Variants in AK3 observed in about 807,000 individuals in gnomAD.
AK3 encodes the protein GTP:AMP phosphotransferase AK3, mitochondrial.
A neutral mutation model predicts 23.7 loss-of-function variants in AK3; 27 were observed. That is an observed-to-expected ratio of 1.14 (90% CI 0.84 to 1.57). The LOEUF (loss-of-function observed/expected upper bound fraction) is 1.57. Among genes scored for constraint, AK3 ranks in the 40% most tolerant of loss-of-function variants. The probability of loss-of-function intolerance (pLI) is 0.00; values close to 1 mark genes in which losing one functional copy is unlikely to be tolerated. For missense variants in AK3, 406 were observed against 285.6 expected (o/e 1.42, Z -3.04); for synonymous variants, 159 against 116.0 (o/e 1.37, Z -2.38).
chr9:4,731,304 T>C (rs1842147188), intron 1 of AK3, among the ~76,000 whole-genome samples: 1 of 152,078 alleles, frequency 6.6e-6, no homozygotes, highest in Non-Finnish European at 1.5e-5. Context: ...TAGTGTGAAT[T>C]GTTCCCTCTA....
At chr9:4,722,831 T>C (rs1841936173) in intron 1 of AK3, among the ~76,000 whole-genome samples, 1 of 152,138 alleles carries the variant, frequency 6.6e-6, no homozygotes, top group Non-Finnish European at 1.5e-5. Context: ...CCCAGGCGGG[T>C]AGATCACCTG....
intron 1 of AK3, 97 bp from the exon 2 acceptor site, chr9:4,722,722 A>C (rs1301952849): frequency 6.6e-7 from 1 of 1,525,418 alleles, no homozygotes; most frequent in Non-Finnish European, 8.9e-7. Flanking sequence ...TCTGAATGGC[A>C]TACTCATCTG....
At chr9:4,728,329 G>A (rs1442166658) in intron 1 of AK3, among the ~76,000 whole-genome samples, 1 of 152,214 alleles carries the variant, frequency 6.6e-6, no homozygotes, top group East Asian at 1.9e-4. Context: ...CCGGCACTTT[G>A]GGAGGCCGAG....
intron 1 of AK3, 78 bp downstream of exon 1, chr9:4,740,859 T>A: frequency 7.3e-7 from 1 of 1,362,122 alleles, no homozygotes; most frequent in South Asian, 1.7e-5. Context: ...GGGACCCGCG[T>A]GCCCAGCTTC....
At chr9:4,730,655 T>C (rs1394927994) in intron 1 of AK3, among the ~76,000 whole-genome samples, 5 of 152,182 alleles carry the variant, frequency 3.3e-5, no homozygotes, top group Non-Finnish European at 7.3e-5. Flanking sequence ...TGTTTATATA[T>C]AGATAGATAA....
chr9:4,738,761 CTTTTT>C (rs35812152), intron 1 of AK3, among the ~76,000 whole-genome samples: 9 of 75,098 alleles, frequency 1.2e-4, no homozygotes, highest in South Asian at 1.0e-3. Flanking sequence ...ATATGCTTTA[CTTTTT>C]TTTTTTTTTT....
In AK3 at chr9:4,739,283, C is replaced by T. The variant is rs546028507; in HGVS notation, c.151+1654G>A. On this transcript the variant is annotated intron_variant, in intron 1 of 4. Transcript: ENST00000381809. ...TCGACTCACAGCAACCTCCGCCTCC[C>T]AGGTTCAAGCGATTCTCTCTCCTCA... Among the ~76,000 whole-genome samples the T allele has an allele frequency of 4.0e-5, 6 of 151,722 alleles. No individual in the cohort carries two copies. The South Asian group carries it at 1.3e-3, about 32-fold the overall frequency.
In AK3 at chr9:4,741,130, G is replaced by A; in HGVS notation, c.-43C>T. On this transcript the variant is annotated 5_prime_UTR_variant, in exon 1 of 5. Coordinates refer to ENST00000381809, the MANE Select transcript of AK3 (RefSeq NM_016282.4). The stretch of plus-strand genomic sequence containing the variant: ...CGCACCGCGCGGGTACCAGGGCTTT[G>A]GCCTGGCCTGCGCGCTCACCCGCTC... The A allele has an allele frequency of 7.0e-7, 1 of 1,420,572 alleles. No homozygotes were observed. 88.0% of individuals were successfully genotyped at this position (1,420,572 alleles called of 1,614,324 possible).
At chr9:4,714,089 CACATATACACACCTA>C (rs1456579013) in intron 4 of AK3, among the ~76,000 whole-genome samples, 3 of 148,518 alleles carry the variant, frequency 2.0e-5, no homozygotes, top group South Asian at 2.2e-4. Flanking sequence ...TACACACCTA[CACATATACACACCTA>C]CACATATACA....
At chr9:4,731,167 A>G (rs378470) in intron 1 of AK3, among the ~76,000 whole-genome samples, 85,498 of 152,062 alleles carry the variant, frequency 0.56, 26,249 homozygotes, top group East Asian at 0.8. Context: ...GGTTTGTTAC[A>G]TGGGTGAACT....
chr9:4,723,893 G>T (rs1841961455), intron 1 of AK3, among the ~76,000 whole-genome samples: 1 of 152,140 alleles, frequency 6.6e-6, no homozygotes, highest in Admixed American at 6.5e-5. Flanking sequence ...CCAGATGTCA[G>T]ATTAAAGGGT....
chr9:4,739,610 T>C (rs910611330), intron 1 of AK3, among the ~76,000 whole-genome samples: 16 of 152,034 alleles, frequency 1.1e-4, no homozygotes, highest in African/African-American at 3.9e-4. Flanking sequence ...TATATACACA[T>C]AGTATGCTCA....
intron 1 of AK3, among the ~76,000 whole-genome samples, chr9:4,738,505 T>G (rs1261046382): frequency 6.6e-6 from 1 of 151,974 alleles, no homozygotes; most frequent in Non-Finnish European, 1.5e-5. Flanking sequence ...TGTGTGAACA[T>G]GCTCACTATA....
intron 1 of AK3, among the ~76,000 whole-genome samples, chr9:4,724,709 G>A (rs1353222462): frequency 6.6e-6 from 1 of 151,816 alleles, no homozygotes. Context: ...AGCCCAAGAG[G>A]TCAAGGCTAC....
upstream of AK3, chr9:4,742,013 A>C (rs1842446133): frequency 6.6e-6 from 1 of 151,994 alleles, no homozygotes; most frequent in Admixed American, 6.6e-5. Context: ...ATTGAGTGAG[A>C]CTCTTTTATA....
intron 1 of AK3, among the ~76,000 whole-genome samples, chr9:4,728,886 C>CATATATAT (rs1554627014): frequency 7.1e-6 from 1 of 140,144 alleles, no homozygotes; most frequent in African/African-American, 2.7e-5. Flanking sequence ...CACACACATA[C>CATATATAT]ATATATATAC....
In AK3 at chr9:4,729,015, A is replaced by ATATATTTTTTT. The variant is rs71326127; in HGVS notation, c.152-6391_152-6390insAAAAAAATATA. ...CACACACACATATATATATATATAT[A>ATATATTTTTTT]TTTTTTTTTTTTGAGACGGAATTTT... On this transcript the variant is annotated intron_variant, in intron 1 of 4. Coordinates refer to ENST00000381809, the MANE Select transcript of AK3 (RefSeq NM_016282.4). Among the ~76,000 whole-genome samples the ATATATTTTTTT allele has an allele frequency of 4.5e-4, 58 of 129,430 alleles. 1 individual carries two copies. Among genetic ancestry groups the ATATATTTTTTT allele is most frequent in the East Asian group, 1.4e-3 (6 of 4,172 alleles). 84.9% of individuals were successfully genotyped at this position (129,430 alleles called of 152,430 possible).
intron 2 of AK3, 98 bp downstream of exon 2, chr9:4,722,408 C>T: frequency 6.4e-7 from 1 of 1,557,466 alleles, no homozygotes; most frequent in South Asian, 1.2e-5. Flanking sequence ...CTCCCCAAAC[C>T]ACCATCCTTG....
rs1841604901 is a variant in AK3, at chr9:4,713,049, A to G, written c.611T>C (p.Ile204Thr). Residue 204 changes from isoleucine to threonine, a missense_variant, in exon 5 of 5, where the codon ATT becomes ACT. Ile to Thr is a moderately conservative substitution (Grantham distance 89). Coordinates refer to ENST00000381809, the MANE Select transcript of AK3 (RefSeq NM_016282.4). ...TAGGAAAGCATATACATAGGGCCAA[A>G]TCTTGTTGGTTTCTGTTCCGGAGAA... ...ETFSGTETNK[I>T]WPYVYAFLQT... is the part of the protein sequence containing the mutation. 2 of 1,613,684 alleles carry G rather than the reference A, an allele frequency of 1.2e-6. No individual in the cohort carries two copies. The highest frequency in any genetic ancestry group is 2.2e-5 in the East Asian group (1 of 44,866).
Sources: gnomAD v4.1 joint callset for allele counts (sites outside exome capture counted in the v4.1 genomes callset) on GRCh38, gnomAD v4.1.1 for gene constraint, MANE v1.5 for transcripts, NCBI Gene and HGNC (gene_info 2026-07-23, HGNC 2026-07-21) for gene names.